CAST: variants seen among roughly 807,000 people sequenced by gnomAD.
CAST encodes the protein MIR583 host.
A neutral mutation model predicts 119.6 loss-of-function variants in CAST; 76 were observed. That is an observed-to-expected ratio of 0.64 (90% CI 0.53 to 0.77). The LOEUF (loss-of-function observed/expected upper bound fraction) is 0.77, where lower values mean the gene tolerates loss of function less well. Among genes scored for constraint, CAST ranks in the 30% least tolerant of loss-of-function variants. The probability of loss-of-function intolerance (pLI) is 0.00; values close to 1 mark genes in which losing one functional copy is unlikely to be tolerated. For missense variants in CAST, 953 were observed against 946.5 expected (o/e 1.01, Z -0.09); for synonymous variants, 319 against 331.6 (o/e 0.96, Z 0.41).
the CAST span, among the ~76,000 whole-genome samples, chr5:96,329,424 A>G: frequency 1.3e-5 from 2 of 152,236 alleles, no homozygotes; most frequent in African/African-American, 4.8e-5. Flanking sequence ...CTGAACAAAC[A>G]GATGGGCCTT....
the CAST span, chr5:96,408,309 C>T: frequency 6.2e-7 from 1 of 1,613,652 alleles, no homozygotes; most frequent in Non-Finnish European, 8.5e-7. Context: ...AGTCATTGTG[C>T]AGGTCAGCGC....
the CAST span, among the ~76,000 whole-genome samples, chr5:96,468,900 A>T: frequency 3.9e-5 from 6 of 152,068 alleles, no homozygotes; most frequent in Admixed American, 1.3e-4. Flanking sequence ...GATAAAGGGG[A>T]TCTCGTCTAA....
At chr5:96,444,776 T>C in the CAST span, among the ~76,000 whole-genome samples, 1 of 152,230 alleles carries the variant, frequency 6.6e-6, no homozygotes, top group Admixed American at 6.5e-5. Flanking sequence ...TTGCTTTTTT[T>C]CCTGCAAAAA....
At chr5:96,420,510 A>G in the CAST span, among the ~76,000 whole-genome samples, 1 of 152,174 alleles carries the variant, frequency 6.6e-6, no homozygotes, top group Admixed American at 6.5e-5. Context: ...AGTCACCCTC[A>G]AAGAAATAAA....
In CAST at chr5:96,555,045, A is replaced by G. The variant is rs1268338458; in HGVS notation, c.60+25165A>G. ...AAATACCATTTGACCCAGCAATCCCATTACTGGGCATATACCCAAAGGCTT... is the reference window on the plus strand; with the variant it reads ...AAATACCATTTGACCCAGCAATCCCGTTACTGGGCATATACCCAAAGGCTT... On this transcript the variant is annotated intron_variant, in intron 1 of 11. Transcript: ENST00000505143. 9.2e-5 allele frequency among the ~76,000 whole-genome samples: 14 copies of G among 152,244 alleles called. 1 individual carries two copies. Among genetic ancestry groups the G allele is most frequent in the Admixed American group, 9.2e-4 (14 of 15,286 alleles).
chr5:96,676,774 G>A (rs1750766274), intron 2 of CAST, among the ~76,000 whole-genome samples: 1 of 151,454 alleles, frequency 6.6e-6, no homozygotes, highest in Admixed American at 6.6e-5. Flanking sequence ...CCTAGTGTCA[G>A]CCAGGCACGG....
At chr5:96,005,104 A>C in the CAST span, among the ~76,000 whole-genome samples, 1 of 152,224 alleles carries the variant, frequency 6.6e-6, no homozygotes, top group Non-Finnish European at 1.5e-5. Context: ...GCAGAATAAA[A>C]ACAGTTTTAG....
the CAST span, among the ~76,000 whole-genome samples, chr5:96,497,208 A>G: frequency 2.0e-5 from 3 of 152,048 alleles, no homozygotes; most frequent in South Asian, 2.1e-4. Flanking sequence ...TTTTATGGCT[A>G]CATAGTATTC....
the CAST span, among the ~76,000 whole-genome samples, chr5:96,489,207 G>T: frequency 9.2e-6 from 1 of 108,384 alleles, no homozygotes. Context: ...TTTTTGACGT[G>T]TAGATTTAGG....
At chr5:96,748,186 A>G (rs1764183168) in intron 18 of CAST, among the ~76,000 whole-genome samples, 1 of 152,238 alleles carries the variant, frequency 6.6e-6, no homozygotes, top group Admixed American at 6.5e-5. Context: ...GGAAAATAAT[A>G]ATCACATTTA....
At chr5:96,512,969 G>A in the CAST span, among the ~76,000 whole-genome samples, 5 of 152,090 alleles carry the variant, frequency 3.3e-5, no homozygotes, top group Non-Finnish European at 4.4e-5. Context: ...TGATATTTCT[G>A]TACTTAAGAT....
At chr5:96,635,459 A>G (rs1396136408) in intron 1 of CAST, among the ~76,000 whole-genome samples, 1 of 152,178 alleles carries the variant, frequency 6.6e-6, no homozygotes, top group Non-Finnish European at 1.5e-5. Flanking sequence ...GGGATCTTGA[A>G]TGGCTGACTC....
chr5:96,644,843 G>T (rs1198203117), intron 1 of CAST, among the ~76,000 whole-genome samples: 5 of 152,130 alleles, frequency 3.3e-5, no homozygotes, highest in Non-Finnish European at 7.3e-5. Context: ...AGCAGTAGTG[G>T]CACGTGCCTG....
chr5:96,700,423 T>TGA (rs1187966674), intron 3 of CAST, among the ~76,000 whole-genome samples: 1 of 152,172 alleles, frequency 6.6e-6, no homozygotes, highest in Non-Finnish European at 1.5e-5. Context: ...AACCAGGGCT[T>TGA]GAGAAATAAG....
At chr5:96,215,729 G>A in the CAST span, among the ~76,000 whole-genome samples, 1 of 152,076 alleles carries the variant, frequency 6.6e-6, no homozygotes, top group Admixed American at 6.6e-5. Context: ...TCAGCATGAA[G>A]ATGATGAGGA....
chr5:96,501,787 C>A, the CAST span, among the ~76,000 whole-genome samples: 8,111 of 152,274 alleles, frequency 0.053, 750 homozygotes, highest in African/African-American at 0.19. Context: ...AAGGACAGAC[C>A]ACATATACAA....
intron 1 of CAST, among the ~76,000 whole-genome samples, chr5:96,543,429 C>A (rs181977505): frequency 6.6e-6 from 1 of 152,106 alleles, no homozygotes; most frequent in Non-Finnish European, 1.5e-5. Flanking sequence ...ATACCTAATA[C>A]ATGTGGGGCT....
At chr5:96,211,963 A>G in the CAST span, among the ~76,000 whole-genome samples, 147 of 152,092 alleles carry the variant, frequency 9.7e-4, no homozygotes, top group African/African-American at 3.3e-3. Context: ...TATCTGCAGG[A>G]TCTGTCATGA....
chr5:96,136,190 G>C, the CAST span, among the ~76,000 whole-genome samples: 5 of 152,266 alleles, frequency 3.3e-5, no homozygotes, highest in African/African-American at 1.2e-4. Context: ...TTGTCAATAA[G>C]TGCTGTAGAG....
Sources: gnomAD v4.1 joint callset for allele counts (sites outside exome capture counted in the v4.1 genomes callset) on GRCh38, gnomAD v4.1.1 for gene constraint, MANE v1.5 for transcripts, NCBI Gene and HGNC (gene_info 2026-07-23, HGNC 2026-07-21) for gene names.